CHLSN: variants seen among roughly 807,000 people sequenced by gnomAD.
CHLSN encodes the protein protein cholesin.
the CHLSN span, among the ~76,000 whole-genome samples, chr7:1,134,082 C>T: frequency 1.3e-5 from 2 of 152,054 alleles, no homozygotes; most frequent in Non-Finnish European, 2.9e-5. Flanking sequence ...CAGGCGTGAG[C>T]CACCACACCT....
At chr7:1,095,182 G>A in the CHLSN span, among the ~76,000 whole-genome samples, 1 of 152,062 alleles carries the variant, frequency 6.6e-6, no homozygotes, top group African/African-American at 2.4e-5. Flanking sequence ...TCCGTGCTCT[G>A]GAGCTCCTTC....
the CHLSN span, among the ~76,000 whole-genome samples, chr7:1,085,544 C>T: frequency 4.5e-4 from 69 of 152,230 alleles, no homozygotes; most frequent in Admixed American, 7.2e-4. Flanking sequence ...CGCAGAGCAC[C>T]GCACAGCGCC....
the CHLSN span, among the ~76,000 whole-genome samples, chr7:1,104,410 T>C: frequency 6.6e-6 from 1 of 152,192 alleles, no homozygotes; most frequent in Non-Finnish European, 1.5e-5. Context: ...CCATCTCTAA[T>C]GCATTCACGT....
the CHLSN span, among the ~76,000 whole-genome samples, chr7:1,000,004 C>T: frequency 3.3e-5 from 5 of 152,252 alleles, no homozygotes; most frequent in Non-Finnish European, 5.9e-5. Flanking sequence ...TGTAGACACA[C>T]GTCATGCACA....
At chr7:1,022,029 G>A in the CHLSN span, among the ~76,000 whole-genome samples, 4 of 152,198 alleles carry the variant, frequency 2.6e-5, no homozygotes, top group African/African-American at 9.6e-5. Context: ...CACAGGCGTG[G>A]CGCCTGGGCC....
chr7:1,013,039 G>A, the CHLSN span, among the ~76,000 whole-genome samples: 1 of 152,226 alleles, frequency 6.6e-6, no homozygotes, highest in African/African-American at 2.4e-5. Context: ...GCGGCAGGTC[G>A]TGGGGAATGG....
At chr7:984,592 G>C in the CHLSN span, 1 of 1,554,838 alleles carries the variant, frequency 6.4e-7, no homozygotes, top group Non-Finnish European at 8.7e-7. Context: ...TGTGGCCGGC[G>C]CTACGGGGCC....
the CHLSN span, among the ~76,000 whole-genome samples, chr7:1,070,978 G>A: frequency 5.9e-4 from 87 of 146,998 alleles, 2 homozygotes; most frequent in South Asian, 0.017. Context: ...ACGGGCACAT[G>A]CACACGGGCA....
the CHLSN span, chr7:983,444 C>A: frequency 7.5e-5 from 103 of 1,364,540 alleles, 1 homozygote; most frequent in Admixed American, 1.8e-4. Flanking sequence ...TCCTGGCCCC[C>A]CTCCTGGGGA....
At chr7:982,304 G>A in the CHLSN span, among the ~76,000 whole-genome samples, 5,166 of 152,338 alleles carry the variant, frequency 0.034, 127 homozygotes, top group African/African-American at 0.058. Context: ...AGGCTGCCTC[G>A]GCTCTGCGGT....
chr7:987,826 TGGGGGTCCCCTCTGTATCCTGG>T, the CHLSN span, among the ~76,000 whole-genome samples: 30 of 151,230 alleles, frequency 2.0e-4, no homozygotes, highest in Admixed American at 1.2e-3. Context: ...CGGTGTGTCC[TGGGGGTCCCCTCTGTATCCTGG>T]GGGGGTCCCC....
chr7:1,085,112 T>C, the CHLSN span, among the ~76,000 whole-genome samples: 1 of 152,254 alleles, frequency 6.6e-6, no homozygotes, highest in African/African-American at 2.4e-5. Flanking sequence ...GGAGGGCTCC[T>C]GAAGCTGGAG....
the CHLSN span, among the ~76,000 whole-genome samples, chr7:993,810 G>C: frequency 6.6e-6 from 1 of 152,160 alleles, no homozygotes; most frequent in South Asian, 2.1e-4. Context: ...GGCTTGGAGG[G>C]AGGACAGTGC....
chr7:1,080,720 G>C, the CHLSN span: 3 of 152,278 alleles, frequency 2.0e-5, no homozygotes, highest in Non-Finnish European at 4.4e-5. Flanking sequence ...CCCAGGCTCA[G>C]ACTGCCGACA....
the CHLSN span, among the ~76,000 whole-genome samples, chr7:1,136,525 T>C: frequency 7.4e-6 from 1 of 135,330 alleles, no homozygotes; most frequent in Admixed American, 7.9e-5. Context: ...TATAAATATA[T>C]ATAAACATAT....
the CHLSN span, among the ~76,000 whole-genome samples, chr7:1,107,711 G>T: frequency 6.6e-6 from 1 of 152,242 alleles, no homozygotes; most frequent in South Asian, 2.1e-4. Flanking sequence ...CCCACCAGTG[G>T]CCTGCAGGGA....
the CHLSN span, among the ~76,000 whole-genome samples, chr7:1,122,025 G>C: frequency 3.3e-5 from 5 of 150,538 alleles, no homozygotes; most frequent in Admixed American, 6.6e-5. Context: ...CATGGACCCT[G>C]CCCTCGACTG....
At chr7:1,015,585 G>T in the CHLSN span, among the ~76,000 whole-genome samples, 5 of 152,328 alleles carry the variant, frequency 3.3e-5, no homozygotes, top group Non-Finnish European at 7.3e-5. Context: ...GGCAGAGTGG[G>T]GAGACCCAGG....
the CHLSN span, chr7:1,055,339 CTGA>C: frequency 4.0e-5 from 19 of 471,110 alleles, no homozygotes; most frequent in South Asian, 2.8e-4. Context: ...AGGCGCGCTG[CTGA>C]TAAGAGCCTG....
Sources: allele counts gnomAD v4.1 joint callset (sites outside exome capture counted in the v4.1 genomes callset), GRCh38; gene constraint gnomAD v4.1.1; transcripts MANE v1.5; gene names NCBI Gene and HGNC (gene_info 2026-07-23, HGNC 2026-07-21).